KCNT1: variants seen among roughly 807,000 people sequenced by gnomAD.
KCNT1 encodes potassium sodium-activated channel subfamily T member 1, also known as potassium channel subfamily T member 1.
In KCNT1, 78 loss-of-function variants were observed where a neutral mutation model predicts 147.8. The ratio of observed to expected loss-of-function variants is 0.53; its 90% confidence interval spans 0.44 to 0.64. The LOEUF (loss-of-function observed/expected upper bound fraction) is 0.64, where lower values mean the gene tolerates loss of function less well. Ranked by LOEUF, KCNT1 falls within the 30% of genes least tolerant of loss-of-function variation. The pLI, the probability that KCNT1 is intolerant of heterozygous loss-of-function variation, is 0.00. For synonymous variants in KCNT1, 867 were observed against 748.8 expected (o/e 1.16, Z -2.58); for missense variants, 1,419 against 1,750.3 (o/e 0.81, Z 3.38).
chr9:135,712,011 G>T (rs1049520288), intron 1 of KCNT1, among the ~76,000 whole-genome samples: 1 of 152,206 alleles, frequency 6.6e-6, no homozygotes, highest in African/African-American at 2.4e-5. Flanking sequence ...GACTCGCCGG[G>T]GGCCGCCCAG....
chr9:135,738,577 G>A (rs887705058), intron 2 of KCNT1, among the ~76,000 whole-genome samples: 6 of 152,142 alleles, frequency 3.9e-5, no homozygotes, highest in African/African-American at 1.2e-4. Flanking sequence ...CCAGGGTCCC[G>A]GCTCCCTCAG....
chr9:135,741,558 C>T (rs919807491), intron 2 of KCNT1, among the ~76,000 whole-genome samples: 7 of 152,332 alleles, frequency 4.6e-5, no homozygotes, highest in Non-Finnish European at 8.8e-5. Flanking sequence ...GTTCTGCCTG[C>T]TCCGTGTGGA....
chr9:135,708,128 A>C (rs1429977153), intron 1 of KCNT1, among the ~76,000 whole-genome samples: 2 of 152,142 alleles, frequency 1.3e-5, no homozygotes, highest in African/African-American at 4.8e-5. Flanking sequence ...AGACACCCCC[A>C]CCACAGTGAT....
intron 4 of KCNT1, 84 bp downstream of exon 4, chr9:135,751,125 T>TCC: frequency 7.9e-7 from 1 of 1,272,470 alleles, no homozygotes; most frequent in Non-Finnish European, 1.1e-6. Context: ...GCTGATGGCG[T>TCC]CCCTGGGGGA....
intron 29 of KCNT1, among the ~76,000 whole-genome samples, chr9:135,786,991 G>A (rs1834106776): frequency 6.6e-6 from 1 of 152,218 alleles, no homozygotes; most frequent in South Asian, 2.1e-4. Flanking sequence ...AGGCCTGCTG[G>A]ACAGCGGATA....
chr9:135,773,771 C>A (rs1181812760), intron 19 of KCNT1, among the ~76,000 whole-genome samples: 2 of 151,818 alleles, frequency 1.3e-5, no homozygotes, highest in African/African-American at 2.4e-5. Flanking sequence ...AGCCCTGAAC[C>A]ATTGCATGTG....
In KCNT1 at chr9:135,714,253, G is replaced by A. The variant is rs535619603; in HGVS notation, c.111-324G>A. ...TCCATCCTGGCTCTTGGGGGATCAG[G>A]GAGGAGTGGTGCGCGCCTGTCCCTG... On this transcript the variant is annotated intron_variant, in intron 1 of 30. Transcript: ENST00000371757. This position sits in a 1 kb window ranked among gnomAD's most constrained non-coding sequence, Gnocchi z 6.2. Among the ~76,000 whole-genome samples, 4 of 151,976 alleles carry A rather than the reference G, an allele frequency of 2.6e-5. No homozygotes were observed. The highest frequency in any genetic ancestry group is 1.3e-4 in the Admixed American group (2 of 15,282).
rs756996609 is a variant in KCNT1 at position 135,770,939 on chromosome 9, G to A, written c.1852G>A (p.Ala618Thr). The change falls in exon 18 of 31, where the codon GCC (alanine) becomes ACC (threonine). Residue 618 changes from alanine to threonine, a missense_variant. Around this residue, in one of 5 missense-constraint regions of KCNT1, gnomAD observed 284 missense variants for 292.8 expected, o/e 0.97. Transcript: ENST00000371757. ...LNPGPRHILAASDTCFYINIT... is the reference protein window; with the variant it reads ...LNPGPRHILATSDTCFYINIT... Reference sequence around the variant, plus strand: ...CCCGGGGCCCCGGCACATCCTGGCCGCCTCTGACACCTGCTTCTACATCAA... The same window carrying A: ...CCCGGGGCCCCGGCACATCCTGGCCACCTCTGACACCTGCTTCTACATCAA... 85 of 1,613,290 alleles carry A rather than the reference G, an allele frequency of 5.3e-5. No individual in the cohort carries two copies. Among genetic ancestry groups the A allele is most frequent in the Admixed American group, 3.2e-4 (19 of 59,922 alleles).
chr9:135,781,765 G>GAGA (rs1455597811), intron 24 of KCNT1, among the ~76,000 whole-genome samples: 1 of 152,192 alleles, frequency 6.6e-6, no homozygotes, highest in Non-Finnish European at 1.5e-5. Flanking sequence ...AAGGGAGGAG[G>GAGA]TGGAGATGGC....
rs763557773 is a variant in KCNT1 at position 135,765,751 on chromosome 9, T to C, written c.1328T>C (p.Met443Thr). The C allele has an allele frequency of 8.3e-6, 13 of 1,572,746 alleles. No individual in the cohort carries two copies. In the South Asian group the frequency reaches 1.1e-4, roughly 13 times the overall value. ...QGSALKDQDL[M>T]RAKMDNGEAC... ...TCTGCACTCAAAGACCAGGACCTCA[T>C]GCGAGCCAAGTGAGTGCTGGTGGGC... Residue 443 changes from methionine (M) to threonine (T), a missense_variant, in exon 13 of 31, where the codon ATG (methionine) becomes ACG (threonine). This residue lies in a region of KCNT1 where 401 missense variants were observed against 610.6 expected (regional missense o/e 0.66). Coordinates refer to ENST00000371757, the MANE Select transcript of KCNT1 (RefSeq NM_020822.3).
rs542576583 is a variant in KCNT1 at position 135,739,224 on chromosome 9, GGA to G, written c.255-10872_255-10871del. Reference sequence around the variant, plus strand: ...GTTCTGCCCCCACACCATCCCTGAGGGAGGTGGGGCACCTCTCTTTGACCCCA... The same window carrying G: ...GTTCTGCCCCCACACCATCCCTGAGGGGTGGGGCACCTCTCTTTGACCCCA... On this transcript the variant is annotated intron_variant, in intron 2 of 30. Transcript: ENST00000371757. 1.2e-4 allele frequency among the ~76,000 whole-genome samples: 18 copies of G among 152,182 alleles called. No individual in the cohort carries two copies. In the East Asian group the frequency reaches 3.1e-3, roughly 26 times the overall value.
intron 2 of KCNT1, among the ~76,000 whole-genome samples, chr9:135,743,872 G>T (rs1036834783): frequency 6.6e-6 from 1 of 152,268 alleles, no homozygotes; most frequent in Non-Finnish European, 1.5e-5. Flanking sequence ...ACCCCAGGGG[G>T]ACGGAGACAT....
intron 2 of KCNT1, among the ~76,000 whole-genome samples, chr9:135,729,642 T>C (rs1186264294): frequency 6.6e-6 from 1 of 152,230 alleles, no homozygotes; most frequent in African/African-American, 2.4e-5. Context: ...CCTCTCGTCC[T>C]GCAGAAGTTT....
intron 2 of KCNT1, among the ~76,000 whole-genome samples, chr9:135,731,960 G>GGATATATA (rs1554766096): frequency 3.1e-4 from 13 of 41,414 alleles, no homozygotes; most frequent in African/African-American, 1.2e-3. Context: ...AAATATGCGT[G>GGATATATA]TATATATATA....
At position 135,751,066 on chromosome 9, in the gene KCNT1, C is replaced by A. The variant is rs10122976; in HGVS notation, c.434+25C>A. 0.46 allele frequency: 732,548 copies of A among 1,596,610 alleles called. 170,422 individuals are homozygous for A. Among genetic ancestry groups the A allele is most frequent in the South Asian group, 0.61 (55,804 of 90,852 alleles). ...GGTGGGCCACGTGCGCGGCCGGGCG[C>A]GGGGTCCCGGGTCCCAGGGCTGAGC... On this transcript the variant is annotated intron_variant, in intron 4 of 30. Coordinates refer to ENST00000371757, the MANE Select transcript of KCNT1 (RefSeq NM_020822.3).
intron 2 of KCNT1, among the ~76,000 whole-genome samples, chr9:135,735,429 G>T (rs1830293302): frequency 1.3e-5 from 2 of 152,182 alleles, no homozygotes; most frequent in African/African-American, 4.8e-5. Context: ...GCCTGTCAGG[G>T]ACCTGCCGCT....
intron 20 of KCNT1, among the ~76,000 whole-genome samples, chr9:135,776,110 T>C (rs1271571069): frequency 6.6e-6 from 1 of 152,072 alleles, no homozygotes. Context: ...CATGGCAAGC[T>C]GGGGTCAGTA....
At chr9:135,750,292 G>C in intron 3 of KCNT1, 115 bp downstream of exon 3, 1 of 822,832 alleles carries the variant, frequency 1.2e-6, no homozygotes, top group East Asian at 2.6e-5. Flanking sequence ...CCATGGGGTG[G>C]GAGCCACCTG....
intron 2 of KCNT1, among the ~76,000 whole-genome samples, chr9:135,735,499 G>A (rs79177187): frequency 0.026 from 3,970 of 152,284 alleles, 162 homozygotes; most frequent in African/African-American, 0.091. Context: ...ACGGGTGCAT[G>A]GAGGCCTAGT....
Sources: allele counts gnomAD v4.1 joint callset (sites outside exome capture counted in the v4.1 genomes callset), GRCh38; gene constraint gnomAD v4.1.1; regional missense constraint gnomAD v4.1.1; non-coding constraint Gnocchi (gnomAD v3.1); transcripts MANE v1.5; gene names NCBI Gene and HGNC (gene_info 2026-07-23, HGNC 2026-07-21).